The following SIGLEC6 variants were observed in gnomAD, a reference collection of about 807,000 sequenced individuals.
SIGLEC6 encodes the protein sialic acid-binding Ig-like lectin 6.
In SIGLEC6, 31 loss-of-function variants were observed where a neutral mutation model predicts 41.4. That is an observed-to-expected ratio of 0.75 (90% CI 0.56 to 1.01). The LOEUF (loss-of-function observed/expected upper bound fraction) is 1.01, where lower values mean the gene tolerates loss of function less well. SIGLEC6 is among the 50% of genes least tolerant of loss of function. The pLI, the probability that SIGLEC6 is intolerant of heterozygous loss-of-function variation, is 0.00. For missense variants in SIGLEC6, 555 were observed against 558.6 expected (o/e 0.99, Z 0.06); for synonymous variants, 217 against 231.0 (o/e 0.94, Z 0.55).
Position 51,520,162 on chromosome 19 carries a change from C to A in SIGLEC6, c.1282G>T (p.Val428Phe), listed in dbSNP as rs974072609. Residue 428 changes from valine to phenylalanine, a missense_variant, in exon 8 of 8, where the codon GTC becomes TTC. Physicochemically the swap from Val to Phe is conservative, Grantham distance 50 (BLOSUM62 -1). Coordinates refer to ENST00000425629, the MANE Select transcript of SIGLEC6 (RefSeq NM_001245.7). ...SEDEQELHYA[V>F]LHFHKVQPQE... The stretch of plus-strand genomic sequence containing the variant: ...GGTTGCACCTTGTGGAAGTGTAGGA[C>A]AGCGTAGTGGAGCTCCTGCTCATCT... 2 of 1,609,390 alleles carry A rather than the reference C, an allele frequency of 1.2e-6. No homozygotes were observed. Among genetic ancestry groups the A allele is most frequent in the Non-Finnish European group, 1.7e-6 (2 of 1,176,380 alleles).
Position 51,531,120 on chromosome 19 carries a change from T to A in SIGLEC6, c.427+40A>T, listed in dbSNP as rs186546892. The A allele has an allele frequency of 3.2e-6, 5 of 1,558,718 alleles. No homozygotes were observed. The African/African-American group carries it at 6.8e-5, about 21-fold the overall frequency. ...TCCCAGCCCTGCCCTACGGCCCCCA[T>A]GACCTTCCCCTGTGGCTAGTCCTGG... On this transcript the variant is annotated intron_variant, in intron 2 of 7. Coordinates refer to ENST00000425629, the MANE Select transcript of SIGLEC6 (RefSeq NM_001245.7).
Position 51,520,004 on chromosome 19 carries a change from G to T in SIGLEC6, c.*78C>A. ...TATGTCACTCGGTTTGTGGTACATT[G>T]CTGTGGCAGCCCTAGTAACCAATAC... On this transcript the variant is annotated 3_prime_UTR_variant, in exon 8 of 8. Coordinates refer to ENST00000425629, the MANE Select transcript of SIGLEC6 (RefSeq NM_001245.7). 3 of 1,237,896 alleles carry T rather than the reference G, an allele frequency of 2.4e-6. No individual in the cohort carries two copies. Among genetic ancestry groups the T allele is most frequent in the South Asian group, 2.0e-5 (1 of 49,066 alleles). 76.7% of individuals were successfully genotyped at this position (1,237,896 alleles called of 1,614,324 possible). A position where few individuals can be genotyped will look rare whatever the true frequency, so the allele number is the denominator to read the frequency against.
At chr19:51,526,717 G>A (rs1427604619) in intron 7 of SIGLEC6, among the ~76,000 whole-genome samples, 4 of 152,054 alleles carry the variant, frequency 2.6e-5, no homozygotes, top group Non-Finnish European at 4.4e-5. Flanking sequence ...AATAACAGAC[G>A]AAAAATTCAG....
At chr19:51,531,102 C>A in intron 2 of SIGLEC6, 58 bp downstream of exon 2, 1 of 1,553,548 alleles carries the variant, frequency 6.4e-7, no homozygotes, top group Non-Finnish European at 8.7e-7. Context: ...CCGTCCCAGC[C>A]CTGCCCTACG....
At chr19:51,520,542 C>A (rs1362643914) in intron 7 of SIGLEC6, among the ~76,000 whole-genome samples, 3 of 151,974 alleles carry the variant, frequency 2.0e-5, no homozygotes, top group African/African-American at 7.3e-5. Context: ...GCATGCACCC[C>A]ACCTGGCTAA....
At position 51,529,003 on chromosome 19, in the gene SIGLEC6, A is replaced by AAAG. The variant is rs1344292267; in HGVS notation, c.1012+720_1012+721insCTT. Among the ~76,000 whole-genome samples, 45 of 149,008 alleles carry AAAG rather than the reference A, an allele frequency of 3.0e-4. 10 individuals carry two copies. The highest frequency in any genetic ancestry group is 1.1e-3 in the Admixed American group (16 of 15,002). On this transcript the variant is annotated intron_variant, in intron 5 of 7. Transcript: ENST00000425629. The stretch of plus-strand genomic sequence containing the variant: ...GGCAACAGAGTGAGACCCTCTCTCA[A>AAAG]AAAAAAAAAAAAAAAGGGAAAATGT...
In SIGLEC6 at chr19:51,519,123, G is replaced by A. The variant is rs1001979854; in HGVS notation, c.*959C>T. 6.6e-5 allele frequency among the ~76,000 whole-genome samples: 10 copies of A among 151,890 alleles called. No individual in the cohort carries two copies. The highest frequency in any genetic ancestry group is 2.1e-4 in the South Asian group (1 of 4,778). On this transcript the variant is annotated 3_prime_UTR_variant, in exon 8 of 8. Transcript: ENST00000425629. ...ATCCTGGCTAACACGGTGAAACCCC[G>A]TCTCTACTAAAAATACAAAAAATTA...
chr19:51,521,396 A>C (rs532293515), intron 7 of SIGLEC6, among the ~76,000 whole-genome samples: 21 of 152,186 alleles, frequency 1.4e-4, no homozygotes, highest in Middle Eastern at 3.4e-3. Flanking sequence ...GTGTGTGTTC[A>C]GGGAGGCATT....
intron 7 of SIGLEC6, 61 bp downstream of exon 7, chr19:51,527,686 T>G (rs1376059588): frequency 6.9e-7 from 1 of 1,457,706 alleles, no homozygotes; most frequent in Non-Finnish European, 9.6e-7. Flanking sequence ...TCAGGGTCCT[T>G]ACTTAGGGCA....
intron 7 of SIGLEC6, 83 bp downstream of exon 7, chr19:51,527,664 T>C (rs1205856159): frequency 1.5e-5 from 18 of 1,172,320 alleles, no homozygotes; most frequent in Non-Finnish European, 2.5e-6. Context: ...CAGGTGTTAA[T>C]GAAGAAATGC....
At position 51,530,426 on chromosome 19, in the gene SIGLEC6, C is replaced by T; in HGVS notation, c.754+11G>A. The T allele has an allele frequency of 6.2e-7, 1 of 1,613,500 alleles. No individual in the cohort carries two copies. The highest frequency in any genetic ancestry group is 8.5e-7 in the Non-Finnish European group (1 of 1,179,476). On this transcript the variant is annotated intron_variant, in intron 4 of 7. Coordinates refer to ENST00000425629, the MANE Select transcript of SIGLEC6 (RefSeq NM_001245.7). ...CTGGCCCTGGAGAGAACAGGACTGG[C>T]TGGTTCCTACCTGCGCTGTTTCCTT...
chr19:51,528,637 T>C (rs566386007), intron 5 of SIGLEC6, among the ~76,000 whole-genome samples: 22 of 152,206 alleles, frequency 1.4e-4, no homozygotes, highest in African/African-American at 5.3e-4. Flanking sequence ...TAATGAGGTG[T>C]TCCTGGATCA....
At chr19:51,525,368 G>T (rs975020784) in intron 7 of SIGLEC6, among the ~76,000 whole-genome samples, 1 of 152,162 alleles carries the variant, frequency 6.6e-6, no homozygotes, top group African/African-American at 2.4e-5. Flanking sequence ...GGCTGGAGAA[G>T]GAGAAAAGAG....
chr19:51,531,197 G>A lies in SIGLEC6; in HGVS notation c.390C>T (p.Tyr130=), dbSNP rs758331288. Residue 130 remains tyrosine (Y), a synonymous_variant, in exon 2 of 8, where the codon TAC becomes TAT. Coordinates refer to ENST00000425629, the MANE Select transcript of SIGLEC6 (RefSeq NM_001245.7). ...CAGAGAGCTTGGAAGATGTATAACC[G>A]TATTTCATCCATTTGGACTTCAACC... ...FFRLKSKWMK[Y]GYTSSKLSVR... 1.5e-5 allele frequency: 24 copies of A among 1,606,876 alleles called. No homozygotes were observed. The highest frequency in any genetic ancestry group is 1.7e-4 in the Middle Eastern group (1 of 6,048).
chr19:51,521,100 C>G (rs369471137), intron 7 of SIGLEC6, among the ~76,000 whole-genome samples: 2 of 152,292 alleles, frequency 1.3e-5, no homozygotes, highest in South Asian at 4.1e-4. Context: ...TAGACAGGTA[C>G]TGGAGGACAG....
intron 7 of SIGLEC6, 99 bp from the exon 8 acceptor site, chr19:51,520,354 T>G (rs1445503872): frequency 1.6e-6 from 1 of 644,096 alleles, no homozygotes; most frequent in Non-Finnish European, 2.4e-6. Flanking sequence ...AACTTTATTA[T>G]TTATCCATTC....
intron 5 of SIGLEC6, 162 bp downstream of exon 5, chr19:51,529,562 G>T: frequency 1.2e-6 from 1 of 807,824 alleles, no homozygotes; most frequent in Non-Finnish European, 1.9e-6. Context: ...GCAGGGAGGA[G>T]CCACTGCAGT....
intron 6 of SIGLEC6, 97 bp downstream of exon 6, chr19:51,528,062 TC>T (rs1979534148): frequency 8.8e-7 from 1 of 1,138,518 alleles, no homozygotes; most frequent in East Asian, 2.4e-5. Context: ...ACTTTCCCAA[TC>T]ACCCCATTTT....
At chr19:51,528,313 A>T (rs1600028955) in intron 5 of SIGLEC6, 60 bp from the exon 6 acceptor site, 1 of 1,411,590 alleles carries the variant, frequency 7.1e-7, no homozygotes, top group East Asian at 2.3e-5. Flanking sequence ...CCCAACAGCC[A>T]TTCCTCTCCA....
Sources: gnomAD v4.1 joint callset for allele counts (sites outside exome capture counted in the v4.1 genomes callset) on GRCh38, gnomAD v4.1.1 for gene constraint, MANE v1.5 for transcripts, NCBI Gene and HGNC (gene_info 2026-07-23, HGNC 2026-07-21) for gene names.